Variants in ACBD6 observed in about 807,000 individuals in gnomAD.
ACBD6 encodes the protein acyl-CoA binding domain containing 6.
ACBD6 carries 28 observed loss-of-function variants against 37.2 expected under a neutral mutation model. The observed-to-expected ratio is 0.75, with a 90% CI of 0.56 to 1.03. The LOEUF (loss-of-function observed/expected upper bound fraction) is 1.03, where lower values mean the gene tolerates loss of function less well. Among genes scored for constraint, ACBD6 ranks in the 50% least tolerant of loss-of-function variants. The pLI, the probability that ACBD6 is intolerant of heterozygous loss-of-function variation, is 0.00. For synonymous variants in ACBD6, 113 were observed against 126.8 expected, an observed-to-expected ratio of 0.89 and a Z score of 0.73; for missense variants, 340 against 337.4, an observed-to-expected ratio of 1.01 and a Z score of -0.06.
intron 3 of ACBD6, among the ~76,000 whole-genome samples, chr1:180,463,386 C>G (rs191343645): frequency 6.6e-6 from 1 of 152,062 alleles, no homozygotes; most frequent in Non-Finnish European, 1.5e-5. Context: ...ACCACTGACC[C>G]CACAGAAATA....
chr1:180,346,732 T>C lies in ACBD6; in HGVS notation c.664-32010A>G, dbSNP rs1292567362. Reference sequence around the variant, plus strand: ...TTGCTAAATTTGTGGTAATTTATTATGCAGCAATAGAAAACTGATACAGGC... The same window carrying C: ...TTGCTAAATTTGTGGTAATTTATTACGCAGCAATAGAAAACTGATACAGGC... On this transcript the variant is annotated intron_variant, in intron 6 of 7. Coordinates refer to ENST00000367595, the MANE Select transcript of ACBD6 (RefSeq NM_032360.4). Among the ~76,000 whole-genome samples, 3 of 152,194 alleles carry C rather than the reference T, an allele frequency of 2.0e-5. No individual in the cohort carries two copies. The East Asian group carries it at 5.8e-4, about 29-fold the overall frequency.
intron 4 of ACBD6, among the ~76,000 whole-genome samples, chr1:180,416,776 T>C (rs1057174560): frequency 8.5e-5 from 13 of 152,196 alleles, no homozygotes; most frequent in Non-Finnish European, 8.8e-5. Context: ...GGAAGATCCT[T>C]GCCCATTCCT....
At chr1:180,499,893 T>C (rs1651886572) in intron 1 of ACBD6, among the ~76,000 whole-genome samples, 1 of 152,164 alleles carries the variant, frequency 6.6e-6, no homozygotes, top group African/African-American at 2.4e-5. Context: ...TAACTGATAT[T>C]CATAATAATG....
intron 4 of ACBD6, among the ~76,000 whole-genome samples, chr1:180,421,857 G>GT (rs533004062): frequency 0.16 from 24,404 of 151,098 alleles, 2,022 homozygotes; most frequent in Middle Eastern, 0.23. Context: ...ACTTTCTAAT[G>GT]TTTTTTTTTC....
chr1:180,289,171 C>G (rs760537970), intron 7 of ACBD6, among the ~76,000 whole-genome samples: 3 of 151,774 alleles, frequency 2.0e-5, no homozygotes, highest in Non-Finnish European at 4.4e-5. Context: ...AAAAACAGAC[C>G]AGAAGCTTAG....
chr1:180,448,923 T>G (rs139438782), intron 3 of ACBD6, among the ~76,000 whole-genome samples: 1 of 152,328 alleles, frequency 6.6e-6, no homozygotes, highest in Non-Finnish European at 1.5e-5. Context: ...CAAGAGCTTT[T>G]GATTATGCTA....
chr1:180,324,404 G>A (rs1651180174), intron 6 of ACBD6, among the ~76,000 whole-genome samples: 1 of 151,688 alleles, frequency 6.6e-6, no homozygotes, highest in Non-Finnish European at 1.5e-5. Flanking sequence ...AGGTTATCAT[G>A]AGGCTTGCAA....
chr1:180,435,393 C>T (rs953257974), intron 3 of ACBD6: 30 of 401,162 alleles, frequency 7.5e-5, no homozygotes, highest in Middle Eastern at 7.4e-4. Flanking sequence ...GGACTACAGG[C>T]GCCCGCCACC....
chr1:180,362,122 G>A, intron 6 of ACBD6, among the ~76,000 whole-genome samples: 1 of 152,048 alleles, frequency 6.6e-6, no homozygotes, highest in Non-Finnish European at 1.5e-5. Flanking sequence ...CCATTCCCTA[G>A]CTCCCCACAC....
chr1:180,417,792 G>C (rs962137566), intron 4 of ACBD6, among the ~76,000 whole-genome samples: 3 of 152,158 alleles, frequency 2.0e-5, no homozygotes, highest in African/African-American at 7.2e-5. Flanking sequence ...TTTGGAGGTA[G>C]TCTTTCTAGG....
chr1:180,290,264 CT>C (rs1649649390), intron 7 of ACBD6, among the ~76,000 whole-genome samples: 1 of 152,132 alleles, frequency 6.6e-6, no homozygotes, highest in African/African-American at 2.4e-5. Flanking sequence ...TCATGGCTCA[CT>C]GCAGCCTTGA....
intron 3 of ACBD6, among the ~76,000 whole-genome samples, chr1:180,465,838 G>C (rs1310966821): frequency 6.6e-6 from 1 of 152,096 alleles, no homozygotes; most frequent in African/African-American, 2.4e-5. Flanking sequence ...CCATTAAAAA[G>C]AATGAGATGC....
chr1:180,403,388 C>T (rs574660688), intron 5 of ACBD6, among the ~76,000 whole-genome samples: 1 of 151,982 alleles, frequency 6.6e-6, no homozygotes, highest in African/African-American at 2.4e-5. Flanking sequence ...GTTAGTTATA[C>T]GCATGTTAAA....
rs138360568 is a variant in ACBD6 at position 180,292,144 on chromosome 1, T to A, written c.695-3627A>T. Among the ~76,000 whole-genome samples the A allele has an allele frequency of 3.9e-5, 6 of 152,306 alleles. No individual in the cohort carries two copies. The East Asian group carries it at 9.6e-4, about 24-fold the overall frequency. ...ACTTTATTCTTTTTCAAAGTTGTTT[T>A]GATTATTCTAGGTCCTTTGCTTTTC... On this transcript the variant is annotated intron_variant, in intron 7 of 7. Coordinates refer to ENST00000367595, the MANE Select transcript of ACBD6 (RefSeq NM_032360.4).
intron 6 of ACBD6, among the ~76,000 whole-genome samples, chr1:180,392,765 C>T (rs1654123146): frequency 6.6e-6 from 1 of 150,634 alleles, no homozygotes; most frequent in Admixed American, 6.6e-5. Flanking sequence ...ATACTTTTCT[C>T]ATGTTTTTGA....
At chr1:180,480,818 G>A (rs1487119040) in intron 3 of ACBD6, among the ~76,000 whole-genome samples, 1 of 152,084 alleles carries the variant, frequency 6.6e-6, no homozygotes, top group East Asian at 1.9e-4. Flanking sequence ...ATGACTTGAG[G>A]TCAGGAGTTC....
At position 180,453,586 on chromosome 1, in the gene ACBD6, AG is replaced by A. The variant is rs199536583; in HGVS notation, c.385-23325del. On this transcript the variant is annotated intron_variant, in intron 3 of 7. Coordinates refer to ENST00000367595, the MANE Select transcript of ACBD6 (RefSeq NM_032360.4). ...AGAAAGAAATAAAGGGTATTCAAAT[AG>A]GAAGAGAGGAAGTCAAATTGTCTCT... 6.2e-3 allele frequency among the ~76,000 whole-genome samples: 945 copies of A among 152,332 alleles called. 10 individuals are homozygous for A. The highest frequency in any genetic ancestry group is 0.022 in the African/African-American group (898 of 41,576).
chr1:180,486,910 A>C (rs186430136), intron 3 of ACBD6, among the ~76,000 whole-genome samples: 73 of 152,288 alleles, frequency 4.8e-4, no homozygotes, highest in Middle Eastern at 3.4e-3. Context: ...TTCTTCTTGA[A>C]AATGTATAAT....
At chr1:180,476,822 C>T (rs1461670622) in intron 3 of ACBD6, among the ~76,000 whole-genome samples, 1 of 151,686 alleles carries the variant, frequency 6.6e-6, no homozygotes, top group Non-Finnish European at 1.5e-5. Flanking sequence ...GAGACTCTGT[C>T]TCAAAAAAAG....
Sources: allele counts gnomAD v4.1 joint callset (sites outside exome capture counted in the v4.1 genomes callset), GRCh38; gene constraint gnomAD v4.1.1; transcripts MANE v1.5; gene names NCBI Gene and HGNC (gene_info 2026-07-23, HGNC 2026-07-21).